The following FMN1 variants were observed in gnomAD, a reference collection of about 807,000 sequenced individuals.
The protein encoded by FMN1 is formin 1.
A neutral mutation model predicts 132.4 loss-of-function variants in FMN1; 110 were observed. The ratio of observed to expected loss-of-function variants is 0.83; its 90% CI spans 0.71 to 0.97. The LOEUF is 0.97. Ranked by LOEUF, FMN1 falls within the 50% of genes least tolerant of loss-of-function variation. The pLI, the probability that FMN1 is intolerant of heterozygous loss-of-function variation, is 0.00. For missense variants in FMN1, 1,792 were observed against 1,705.3 expected, an observed-to-expected ratio of 1.05 and a Z score of -0.90; for synonymous variants, 722 against 651.7, an observed-to-expected ratio of 1.11 and a Z score of -1.64.
chr15:33,013,438 A>G (rs758919783), intron 6 of FMN1, among the ~76,000 whole-genome samples: 1 of 152,012 alleles, frequency 6.6e-6, no homozygotes, highest in Non-Finnish European at 1.5e-5. Flanking sequence ...GCAAGCAATA[A>G]TATTAACAAA....
intron 7 of FMN1, among the ~76,000 whole-genome samples, chr15:32,986,495 G>A (rs2033078294): frequency 6.6e-6 from 1 of 152,018 alleles, no homozygotes; most frequent in Non-Finnish European, 1.5e-5. Context: ...TCTCTTCTTT[G>A]TGTAAACATA....
intron 17 of FMN1, chr15:32,837,121 G>C (rs16959442): frequency 0.19 from 43,096 of 225,174 alleles, 4,761 homozygotes; most frequent in East Asian, 0.52. Context: ...GAGCTGGAAG[G>C]ACCTTCTAAT....
At chr15:32,889,193 T>C (rs1024945364) in intron 15 of FMN1, among the ~76,000 whole-genome samples, 2 of 152,202 alleles carry the variant, frequency 1.3e-5, no homozygotes, top group East Asian at 1.9e-4. Context: ...GGGTGAAGTA[T>C]AGTTTTAACA....
intron 6 of FMN1, chr15:33,063,766 T>C (rs1251295595): frequency 6.6e-6 from 1 of 152,240 alleles, no homozygotes; most frequent in East Asian, 1.9e-4. Context: ...ATGCTTCAAT[T>C]ACCTAGAACA....
rs1338668794 is a variant in FMN1 at position 33,048,651 on chromosome 15, C to CAAAAACAAAAACA, written c.2161+16305_2161+16306insTGTTTTTGTTTTT. On this transcript the variant is annotated intron_variant, in intron 6 of 20. Transcript: ENST00000616417. Reference sequence around the variant, plus strand: ...TTTACCAAAAAAAAAAAAAAAAAACCAACAGTTTAATGGACTTACAGTTCC... The same window carrying CAAAAACAAAAACA: ...TTTACCAAAAAAAAAAAAAAAAAACCAAAAACAAAAACAAACAGTTTAATGGACTTACAGTTCC... Among the ~76,000 whole-genome samples the CAAAAACAAAAACA allele has an allele frequency of 2.4e-4, 29 of 120,122 alleles. 2 individuals are homozygous for CAAAAACAAAAACA. Among genetic ancestry groups the CAAAAACAAAAACA allele is most frequent in the African/African-American group, 3.3e-4 (11 of 33,230 alleles). 78.8% of individuals were successfully genotyped at this position (120,122 alleles called of 152,430 possible).
At chr15:33,012,004 C>A in intron 6 of FMN1, 1 of 241,408 alleles carries the variant, frequency 4.1e-6, no homozygotes. Context: ...GATATTAATG[C>A]TTTCTTAACC....
intron 9 of FMN1, among the ~76,000 whole-genome samples, chr15:32,939,407 G>C (rs2061352587): frequency 1.3e-5 from 2 of 151,972 alleles, no homozygotes; most frequent in Admixed American, 1.3e-4. Context: ...CTGATGAAGA[G>C]AACAAGAAAA....
chr15:33,091,668 A>C (rs548685931), intron 4 of FMN1, among the ~76,000 whole-genome samples: 7 of 152,334 alleles, frequency 4.6e-5, no homozygotes, highest in Admixed American at 3.3e-4. Context: ...GACGACCACA[A>C]TGTATTTATA....
chr15:33,091,324 C>T (rs2038895875), intron 4 of FMN1, among the ~76,000 whole-genome samples: 1 of 152,172 alleles, frequency 6.6e-6, no homozygotes, highest in Non-Finnish European at 1.5e-5. Flanking sequence ...CCTCACACAC[C>T]TGCAGTGGCT....
chr15:32,880,515 G>T (rs1442334509), intron 16 of FMN1, among the ~76,000 whole-genome samples: 1 of 152,036 alleles, frequency 6.6e-6, no homozygotes, highest in Non-Finnish European at 1.5e-5. Context: ...CTGTGCTGGA[G>T]GCTCCATTCA....
At position 32,968,991 on chromosome 15, in the gene FMN1, G is replaced by T; in HGVS notation, c.2710C>A (p.Pro904Thr). The stretch of plus-strand genomic sequence containing the variant: ...GGTGGCGGTGGAGGAGGCGGAGGTG[G>T]TAGCGGTGGCCCAGCACTCACAGGT... Reference protein sequence around the residue: ...MPPVSAGPPLPPPPPPPPPLP... With the variant: ...MPPVSAGPPLTPPPPPPPPLP... Residue 904 changes from proline to threonine, a missense_variant, in exon 8 of 21, where the codon CCA becomes ACA. This residue lies in a region of FMN1 where 1,150 missense variants were observed against 1,043.1 expected (regional missense o/e 1.10). Transcript: ENST00000616417. 1 of 1,088,562 alleles carries T rather than the reference G, an allele frequency of 9.2e-7. No homozygotes were observed. Among genetic ancestry groups the T allele is most frequent in the Non-Finnish European group, 1.3e-6 (1 of 748,734 alleles). 67.4% of individuals were successfully genotyped at this position (1,088,562 alleles called of 1,614,324 possible). A position where few individuals can be genotyped will look rare whatever the true frequency, so the allele number is the denominator to read the frequency against.
At chr15:33,000,080 C>T (rs924807164) in intron 7 of FMN1, among the ~76,000 whole-genome samples, 1 of 152,112 alleles carries the variant, frequency 6.6e-6, no homozygotes, top group Non-Finnish European at 1.5e-5. Context: ...ACACATTGCT[C>T]CACAGAGGCA....
chr15:33,163,047 G>A (rs1030594576), intron 3 of FMN1, among the ~76,000 whole-genome samples: 3 of 152,188 alleles, frequency 2.0e-5, no homozygotes, highest in Admixed American at 6.5e-5. Context: ...GCTTGAACCC[G>A]GGAGGTGGAG....
chr15:33,084,507 T>C (rs1402856174), intron 5 of FMN1, among the ~76,000 whole-genome samples: 6 of 152,000 alleles, frequency 3.9e-5, no homozygotes, highest in Non-Finnish European at 8.8e-5. Flanking sequence ...TCCAAGTAGA[T>C]CGTGTCAATT....
rs573717901 is a variant in FMN1 at position 32,949,075 on chromosome 15, C to A, written c.3138+15032G>T. On this transcript the variant is annotated intron_variant, in intron 9 of 20. Coordinates refer to ENST00000616417, the MANE Select transcript of FMN1 (RefSeq NM_001277313.2). ...TACATTTCAGCTACATCCTATGAGT[C>A]TTATCAGTATTTTTGTTTTTTGCTA... Among the ~76,000 whole-genome samples the A allele has an allele frequency of 8.0e-4, 122 of 152,082 alleles. 2 individuals carry two copies. In the South Asian group the frequency reaches 0.023, roughly 29 times the overall value.
intron 6 of FMN1, among the ~76,000 whole-genome samples, chr15:33,024,635 G>A (rs2141032331): frequency 6.6e-6 from 1 of 152,254 alleles, no homozygotes; most frequent in South Asian, 2.1e-4. Context: ...AGCATTAACT[G>A]CAACAATCAC....
At chr15:33,146,554 A>G (rs1317715496) in intron 4 of FMN1, among the ~76,000 whole-genome samples, 2 of 151,694 alleles carry the variant, frequency 1.3e-5, no homozygotes, top group African/African-American at 4.8e-5. Context: ...CATGACTGTG[A>G]AAAAAAAATT....
At chr15:32,974,428 A>G (rs1287063342) in intron 7 of FMN1, among the ~76,000 whole-genome samples, 6 of 152,220 alleles carry the variant, frequency 3.9e-5, no homozygotes, top group Admixed American at 2.0e-4. Flanking sequence ...CCATCTCTTA[A>G]TAAGAAAGAT....
intron 9 of FMN1, among the ~76,000 whole-genome samples, chr15:32,957,298 C>CTT (rs869111673): frequency 0.034 from 2,861 of 84,122 alleles, 466 homozygotes; most frequent in African/African-American, 0.1. Flanking sequence ...CAGAGCAGTT[C>CTT]TTTTTTTTTT....
Sources: allele counts gnomAD v4.1 joint callset (sites outside exome capture counted in the v4.1 genomes callset), GRCh38; gene constraint gnomAD v4.1.1; regional missense constraint gnomAD v4.1.1; transcripts MANE v1.5; gene names NCBI Gene and HGNC (gene_info 2026-07-23, HGNC 2026-07-21).